Variants in EZH2 observed in about 807,000 individuals in gnomAD.
EZH2 encodes the protein histone-lysine N-methyltransferase EZH2.
EZH2 carries 18 observed loss-of-function variants against 98.4 expected under a neutral mutation model. That is an observed-to-expected ratio of 0.18 (90% CI 0.13 to 0.27). The LOEUF is 0.27. Among genes scored for constraint, EZH2 ranks in the 10% least tolerant of loss-of-function variants. The pLI is 1.00. For synonymous variants in EZH2, 338 were observed against 312.3 expected (o/e 1.08, Z -0.87); for missense variants, 470 against 935.1 (o/e 0.50, Z 6.49).
intron 16 of EZH2, 130 bp downstream of exon 16, chr7:148,811,495 C>T: frequency 1.4e-6 from 1 of 700,844 alleles, no homozygotes; most frequent in Non-Finnish European, 2.3e-6. Flanking sequence ...TGCAGAAGTC[C>T]AGGCTGAAAA....
Position 148,846,660 on chromosome 7 carries a change from A to G in EZH2, c.118-62T>C, listed in dbSNP as rs1459202719. ...TGTTCATTGTTAGAAAATGTATAAC[A>G]CCTGTAAAGCAGGTTAAAAATCTAG... On this transcript the variant is annotated intron_variant, in intron 2 of 19. Transcript: ENST00000320356. 68 of 1,487,498 alleles carry G rather than the reference A, an allele frequency of 4.6e-5. No homozygotes were observed. In the East Asian group the frequency reaches 1.6e-3, roughly 34 times the overall value. The allele number at this position is 1,487,498 out of a possible 1,614,324, so 92.1% of individuals were successfully genotyped here. A position where few individuals can be genotyped will look rare whatever the true frequency, so the allele number is the denominator to read the frequency against.
intron 1 of EZH2, among the ~76,000 whole-genome samples, chr7:148,861,447 G>A (rs538087696): frequency 4.7e-4 from 71 of 151,976 alleles, no homozygotes; most frequent in Non-Finnish European, 8.2e-4. Flanking sequence ...GGCTGGTCTC[G>A]AACTCCTGAC....
intron 1 of EZH2, among the ~76,000 whole-genome samples, chr7:148,880,696 A>T (rs1201772291): frequency 2.6e-5 from 4 of 152,354 alleles, no homozygotes; most frequent in Non-Finnish European, 2.9e-5. Context: ...CCTCACATGA[A>T]TACTAACATA....
At chr7:148,858,086 A>T (rs1463527142) in intron 1 of EZH2, among the ~76,000 whole-genome samples, 12 of 151,742 alleles carry the variant, frequency 7.9e-5, no homozygotes, top group East Asian at 1.9e-4. Context: ...AGGTCAGGAG[A>T]TCGAGACCAT....
intron 7 of EZH2, 48 bp from the exon 8 acceptor site, chr7:148,826,680 T>G: frequency 3.6e-6 from 5 of 1,395,030 alleles, no homozygotes; most frequent in Non-Finnish European, 4.7e-6. Flanking sequence ...CAAAAATCAC[T>G]TTTTTGAAAA....
In EZH2 at chr7:148,814,143, G is replaced by C. The variant is rs1803909568; in HGVS notation, c.1673-6C>G. 6.2e-7 allele frequency: 1 copy of C among 1,612,884 alleles called. No homozygotes were observed. The highest frequency in any genetic ancestry group is 8.5e-7 in the Non-Finnish European group (1 of 1,179,502). On this transcript the variant is annotated splice_polypyrimidine_tract_variant and splice_region_variant and intron_variant, in intron 14 of 19. Transcript: ENST00000320356. ...TCCCGGAAAGCGGTTTTGACCTTCAGAGAGAGGTTTGGAGGTTCTTCACTC... is the reference window on the plus strand; with the variant it reads ...TCCCGGAAAGCGGTTTTGACCTTCACAGAGAGGTTTGGAGGTTCTTCACTC...
chr7:148,833,768 T>C (rs1159787435), intron 3 of EZH2, among the ~76,000 whole-genome samples: 1 of 152,184 alleles, frequency 6.6e-6, no homozygotes, highest in Non-Finnish European at 1.5e-5. Context: ...GGTACTACTC[T>C]TAGCCCCCAT....
chr7:148,855,897 CAAAAAAAAA>C (rs34692092), intron 1 of EZH2, among the ~76,000 whole-genome samples: 2 of 41,016 alleles, frequency 4.9e-5, no homozygotes, highest in Non-Finnish European at 8.5e-5. Context: ...GACTCCATCT[CAAAAAAAAA>C]AAAAAAAAAA....
At chr7:148,848,753 T>C (rs1338457539) in intron 1 of EZH2, among the ~76,000 whole-genome samples, 1 of 152,178 alleles carries the variant, frequency 6.6e-6, no homozygotes, top group Non-Finnish European at 1.5e-5. Context: ...GAGCTGATAG[T>C]CTACCTAAGA....
intron 1 of EZH2, among the ~76,000 whole-genome samples, chr7:148,866,944 C>A (rs912124334): frequency 6.7e-6 from 1 of 149,158 alleles, no homozygotes; most frequent in Admixed American, 6.7e-5. Flanking sequence ...GAACTCCTAA[C>A]CTCAAGTGAT....
intron 1 of EZH2, among the ~76,000 whole-genome samples, chr7:148,860,009 T>TAA (rs201793045): frequency 2.0e-5 from 3 of 152,026 alleles, no homozygotes; most frequent in Non-Finnish European, 4.4e-5. Context: ...CAAGCCAAAT[T>TAA]TAAAAAAACT....
chr7:148,860,858 A>G (rs1193593012), intron 1 of EZH2, among the ~76,000 whole-genome samples: 1 of 152,142 alleles, frequency 6.6e-6, no homozygotes, highest in African/African-American at 2.4e-5. Flanking sequence ...TTTTTAGCAG[A>G]GACAGGGTTT....
chr7:148,862,314 C>T (rs576641027), intron 1 of EZH2, among the ~76,000 whole-genome samples: 15 of 152,286 alleles, frequency 9.8e-5, no homozygotes, highest in African/African-American at 2.4e-4. Flanking sequence ...CACTGAGTTA[C>T]GCAGATTTTC....
chr7:148,832,611 C>T, intron 4 of EZH2, 23 bp downstream of exon 4: 1 of 1,186,238 alleles, frequency 8.4e-7, no homozygotes, highest in South Asian at 1.5e-5. Flanking sequence ...ATCAAATAAG[C>T]AGAAGATATC....
chr7:148,846,118 C>T (rs2129484786), intron 3 of EZH2, among the ~76,000 whole-genome samples: 1 of 152,266 alleles, frequency 6.6e-6, no homozygotes, highest in East Asian at 1.9e-4. Context: ...TACCACATGG[C>T]TAATTCAAAT....
At chr7:148,875,143 C>T (rs1220121204) in intron 1 of EZH2, among the ~76,000 whole-genome samples, 1 of 152,112 alleles carries the variant, frequency 6.6e-6, no homozygotes, top group East Asian at 1.9e-4. Flanking sequence ...AAATTATCAT[C>T]CATACACCTA....
At chr7:148,881,693 G>A (rs1160002424) in intron 1 of EZH2, among the ~76,000 whole-genome samples, 2 of 152,028 alleles carry the variant, frequency 1.3e-5, no homozygotes, top group East Asian at 3.8e-4. Context: ...CAGCATTTTG[G>A]GAGGCGGAGG....
At position 148,814,960 on chromosome 7, in the gene EZH2, C is replaced by G. The variant is rs755842242; in HGVS notation, c.1626G>C (p.Val542=). 6.2e-7 allele frequency: 1 copy of G among 1,613,702 alleles called. No individual in the cohort carries two copies. The highest frequency in any genetic ancestry group is 8.5e-7 in the Non-Finnish European group (1 of 1,180,000). The change falls in exon 14 of 20, where the codon GTG becomes GTC. Residue 542 remains valine (V), a synonymous_variant. Coordinates refer to ENST00000320356, the MANE Select transcript of EZH2 (RefSeq NM_004456.5). The part of the protein sequence containing the change: ...RQPCDSSCPC[V]IAQNFCEKFC... ...ACTTTTCACAAAAATTTTGTGCTAT[C>G]ACACAAGGGCACGAACTGTCACAAG... is the stretch of plus-strand genomic sequence containing the variant.
At chr7:148,854,889 G>T (rs1006593975) in intron 1 of EZH2, among the ~76,000 whole-genome samples, 6 of 152,220 alleles carry the variant, frequency 3.9e-5, no homozygotes, top group Non-Finnish European at 8.8e-5. Flanking sequence ...ATGAGATTTT[G>T]TAGGTAAGGA....
Sources: gnomAD v4.1 joint callset for allele counts (sites outside exome capture counted in the v4.1 genomes callset) on GRCh38, gnomAD v4.1.1 for gene constraint, MANE v1.5 for transcripts, NCBI Gene and HGNC (gene_info 2026-07-23, HGNC 2026-07-21) for gene names.